The following BMPR2 variants were observed in gnomAD, a reference collection of about 807,000 sequenced individuals.
The protein encoded by BMPR2 is bone morphogenetic protein receptor type-2.
A neutral mutation model predicts 100.8 loss-of-function variants in BMPR2; 29 were observed. That is an observed-to-expected ratio of 0.29 (90% confidence interval 0.21 to 0.39). The LOEUF is 0.39. Ranked by LOEUF, BMPR2 falls within the 10% of genes least tolerant of loss-of-function variation. The pLI, the probability that BMPR2 is intolerant of heterozygous loss-of-function variation, is 1.00. For synonymous variants in BMPR2, 382 were observed against 442.3 expected (o/e 0.86, Z 1.71); for missense variants, 1,011 against 1,274.5 (o/e 0.79, Z 3.15).
At position 202,419,349 on chromosome 2, in the gene BMPR2, T is replaced by A. The variant is rs113552304; in HGVS notation, c.76+41799T>A. On this transcript the variant is annotated intron_variant, in intron 1 of 12. Transcript: ENST00000374580. Reference sequence around the variant, plus strand: ...GGGATTTATGTTTATTTTTGTTCATTTATTTATTTTTATTTTCTATTTTTT... The same window carrying A: ...GGGATTTATGTTTATTTTTGTTCATATATTTATTTTTATTTTCTATTTTTT... 3.9e-3 allele frequency among the ~76,000 whole-genome samples: 597 copies of A among 152,266 alleles called. 5 individuals carry two copies. Among genetic ancestry groups the A allele is most frequent in the African/African-American group, 0.012 (501 of 41,560 alleles).
rs908094617 is a variant in BMPR2, at chr2:202,562,973, A to T, written c.*3027A>T. ...TGTAATTAATATTCCCATTTTACAG[A>T]TGAGGAAACTGAAGCTAAGAGAAGC... On this transcript the variant is annotated 3_prime_UTR_variant, in exon 13 of 13. Coordinates refer to ENST00000374580, the MANE Select transcript of BMPR2 (RefSeq NM_001204.7). 6.6e-6 allele frequency: 1 copy of T among 152,306 alleles called. No homozygotes were observed. Among genetic ancestry groups the T allele is most frequent in the African/African-American group, 2.4e-5 (1 of 41,564 alleles). 9.4% of individuals were successfully genotyped at this position (152,306 alleles called of 1,614,324 possible). A position where few individuals can be genotyped will look rare whatever the true frequency, so the allele number is the denominator to read the frequency against.
intron 10 of BMPR2, among the ~76,000 whole-genome samples, chr2:202,550,664 A>G (rs1688460545): frequency 6.6e-6 from 1 of 151,924 alleles, no homozygotes; most frequent in Admixed American, 6.6e-5. Context: ...TTAGTCAGGC[A>G]CAGTGGTACT....
In BMPR2 at chr2:202,564,630, T is replaced by G. The variant is rs1688727734; in HGVS notation, c.*4684T>G. 1 of 152,200 alleles carries G rather than the reference T, an allele frequency of 6.6e-6. No individual in the cohort carries two copies. The highest frequency in any genetic ancestry group is 2.4e-5 in the African/African-American group (1 of 41,436). 9.4% of individuals were successfully genotyped at this position (152,200 alleles called of 1,614,324 possible). On this transcript the variant is annotated 3_prime_UTR_variant, in exon 13 of 13. Coordinates refer to ENST00000374580, the MANE Select transcript of BMPR2 (RefSeq NM_001204.7). ...ATTAAGTAAATCTGGCAAATCACTG[T>G]TTGAGCTAGTTACATAAAATTTGTT...
At chr2:202,535,089 C>A (rs1473024588) in intron 9 of BMPR2, among the ~76,000 whole-genome samples, 1 of 141,668 alleles carries the variant, frequency 7.1e-6, no homozygotes, top group Non-Finnish European at 1.6e-5. Flanking sequence ...GGGGGCTGAC[C>A]CCCCCACCTC....
At chr2:202,459,933 C>T (rs1433710526) in intron 1 of BMPR2, among the ~76,000 whole-genome samples, 7 of 152,018 alleles carry the variant, frequency 4.6e-5, no homozygotes, top group Admixed American at 3.3e-4. Flanking sequence ...AAAGCAACCT[C>T]GTTAAAAAGT....
At chr2:202,509,185 A>T (rs1687580850) in intron 3 of BMPR2, among the ~76,000 whole-genome samples, 1 of 152,154 alleles carries the variant, frequency 6.6e-6, no homozygotes, top group Non-Finnish European at 1.5e-5. Flanking sequence ...TCGTAGTTTA[A>T]GCAGCATACT....
intron 1 of BMPR2, among the ~76,000 whole-genome samples, chr2:202,403,176 C>G (rs1458683851): frequency 7.1e-6 from 1 of 140,222 alleles, no homozygotes; most frequent in Non-Finnish European, 1.6e-5. Flanking sequence ...TCTCCCTCCC[C>G]TTCCCCTCCC....
chr2:202,518,063 T>A (rs1002779967), intron 5 of BMPR2, among the ~76,000 whole-genome samples: 1 of 139,556 alleles, frequency 7.2e-6, no homozygotes, highest in Non-Finnish European at 1.6e-5. Context: ...CCTGACCTCA[T>A]GATCCACCCA....
rs140608022 is a variant in BMPR2 at position 202,509,323 on chromosome 2, C to T, written c.419-4396C>T. On this transcript the variant is annotated intron_variant, in intron 3 of 12. Transcript: ENST00000374580. ...AAGCTTTTGTTGCTTATATTAGTAA[C>T]AAAAACAATTTTGCAAATGGAAACA... Among the ~76,000 whole-genome samples, 353 of 152,010 alleles carry T rather than the reference C, an allele frequency of 2.3e-3. 1 individual carries two copies. The highest frequency in any genetic ancestry group is 8.0e-3 in the African/African-American group (332 of 41,514).
chr2:202,535,762 G>A (rs1334940009), intron 9 of BMPR2, among the ~76,000 whole-genome samples: 12 of 152,136 alleles, frequency 7.9e-5, no homozygotes, highest in South Asian at 2.1e-4. Flanking sequence ...GTAGCGAGCC[G>A]AGATCACGCC....
chr2:202,542,565 A>C, intron 10 of BMPR2, 118 bp downstream of exon 10: 4 of 1,215,190 alleles, frequency 3.3e-6, no homozygotes, highest in Non-Finnish European at 4.6e-6. Flanking sequence ...CTAATGCCAC[A>C]AATCAAACTT....
chr2:202,382,940 C>G (rs1690332846), intron 1 of BMPR2, among the ~76,000 whole-genome samples: 1 of 152,176 alleles, frequency 6.6e-6, no homozygotes, highest in Non-Finnish European at 1.5e-5. Context: ...CCCTCATCAG[C>G]CAGTAAATTT....
chr2:202,472,584 A>G (rs1692457282), intron 3 of BMPR2, among the ~76,000 whole-genome samples: 1 of 152,234 alleles, frequency 6.6e-6, no homozygotes, highest in African/African-American at 2.4e-5. Flanking sequence ...ACTTGAACCC[A>G]GGAAGCAGAG....
At chr2:202,490,733 T>C (rs1362898462) in intron 3 of BMPR2, among the ~76,000 whole-genome samples, 1 of 151,960 alleles carries the variant, frequency 6.6e-6, no homozygotes, top group African/African-American at 2.4e-5. Flanking sequence ...GAAGAGAACA[T>C]AAAAGAATAG....
intron 1 of BMPR2, among the ~76,000 whole-genome samples, chr2:202,388,945 T>G (rs1690490843): frequency 6.6e-6 from 1 of 152,026 alleles, no homozygotes; most frequent in African/African-American, 2.4e-5. Context: ...TATTTGCAAT[T>G]AAAAGTGTGG....
chr2:202,439,714 G>A (rs1691693016), intron 1 of BMPR2, among the ~76,000 whole-genome samples: 1 of 148,382 alleles, frequency 6.7e-6, no homozygotes, highest in Admixed American at 6.6e-5. Context: ...TCACCATTAA[G>A]TATGCTGTTA....
chr2:202,404,375 T>A (rs975891236), intron 1 of BMPR2, among the ~76,000 whole-genome samples: 1 of 152,050 alleles, frequency 6.6e-6, no homozygotes, highest in Admixed American at 6.6e-5. Flanking sequence ...TATATTTTTT[T>A]AGTAGAGACA....
intron 7 of BMPR2, among the ~76,000 whole-genome samples, chr2:202,530,010 A>G (rs1389338552): frequency 6.6e-6 from 1 of 152,144 alleles, no homozygotes; most frequent in Non-Finnish European, 1.5e-5. Flanking sequence ...TAATGTACTT[A>G]TATTTGGTGA....
At chr2:202,479,688 G>C (rs1448281636) in intron 3 of BMPR2, among the ~76,000 whole-genome samples, 1 of 151,916 alleles carries the variant, frequency 6.6e-6, no homozygotes, top group Non-Finnish European at 1.5e-5. Flanking sequence ...TTTAACCTTT[G>C]GCAGCTTTTA....
Sources: gnomAD v4.1 joint callset for allele counts (sites outside exome capture counted in the v4.1 genomes callset) on GRCh38, gnomAD v4.1.1 for gene constraint, MANE v1.5 for transcripts, NCBI Gene and HGNC (gene_info 2026-07-23, HGNC 2026-07-21) for gene names.